Variants in KSR2 observed in about 807,000 individuals in gnomAD.
The protein encoded by KSR2 is kinase suppressor of ras 2.
In KSR2, 25 loss-of-function variants were observed where a neutral mutation model predicts 107.8. That is an observed-to-expected ratio of 0.23 (90% confidence interval 0.17 to 0.32). KSR2 has a LOEUF of 0.32. KSR2 is among the 10% of genes least tolerant of loss of function. The probability of loss-of-function intolerance (pLI) is 1.00; values close to 1 mark genes in which losing one functional copy is unlikely to be tolerated. For missense variants in KSR2, 887 were observed against 1,268.9 expected, an observed-to-expected ratio of 0.70 and a Z score of 4.57; for synonymous variants, 480 against 507.0, an observed-to-expected ratio of 0.95 and a Z score of 0.71.
intron 16 of KSR2, among the ~76,000 whole-genome samples, chr12:117,480,259 G>A (rs1377460182): frequency 6.6e-6 from 1 of 152,120 alleles, no homozygotes. Context: ...ACCTCTTCCT[G>A]ACTCATGGGG....
chr12:117,765,555 C>G (rs1889194740), intron 3 of KSR2, among the ~76,000 whole-genome samples: 1 of 152,086 alleles, frequency 6.6e-6, no homozygotes, highest in Non-Finnish European at 1.5e-5. Context: ...CCTTTACGTA[C>G]CAGGCACTGT....
chr12:117,746,839 C>T (rs1888428522), intron 4 of KSR2, among the ~76,000 whole-genome samples: 1 of 151,714 alleles, frequency 6.6e-6, no homozygotes, highest in African/African-American at 2.4e-5. Context: ...AAAAGCTCAT[C>T]GTCACTGATC....
chr12:117,672,326 T>C (rs978944196), intron 4 of KSR2, among the ~76,000 whole-genome samples: 1 of 152,232 alleles, frequency 6.6e-6, no homozygotes, highest in Non-Finnish European at 1.5e-5. Flanking sequence ...GTTAAACTCA[T>C]AGGCTTTGGG....
intron 4 of KSR2, among the ~76,000 whole-genome samples, chr12:117,674,745 C>T (rs1463637834): frequency 4.6e-5 from 7 of 152,176 alleles, no homozygotes. Context: ...GTATTCTCTA[C>T]CCAGCAGTCA....
chr12:117,766,754 G>A (rs1326205114), intron 3 of KSR2, among the ~76,000 whole-genome samples: 1 of 151,978 alleles, frequency 6.6e-6, no homozygotes, highest in African/African-American at 2.4e-5. Context: ...AGGAAAGGTG[G>A]CAGTGAGGTG....
chr12:117,566,295 T>A (rs1363578130), intron 7 of KSR2, among the ~76,000 whole-genome samples: 1 of 152,156 alleles, frequency 6.6e-6, no homozygotes, highest in African/African-American at 2.4e-5. Context: ...AATTTTGGTA[T>A]TTTTTGTAGA....
intron 5 of KSR2, among the ~76,000 whole-genome samples, chr12:117,633,572 C>T (rs1684085920): frequency 6.6e-6 from 1 of 152,192 alleles, no homozygotes; most frequent in African/African-American, 2.4e-5. Context: ...GGATAAATTC[C>T]ATGCCTCTCT....
chr12:117,688,917 CTCCTGCCTCCTTTTTCCT>C (rs1247593008), intron 4 of KSR2, among the ~76,000 whole-genome samples: 1 of 152,158 alleles, frequency 6.6e-6, no homozygotes, highest in Non-Finnish European at 1.5e-5. Context: ...CCTTCCTTCT[CTCCTGCCTCCTTTTTCCT>C]TCCTTGCAAA....
intron 2 of KSR2, among the ~76,000 whole-genome samples, chr12:117,857,312 G>A (rs1181821313): frequency 2.0e-5 from 3 of 152,016 alleles, no homozygotes; most frequent in South Asian, 2.1e-4. Context: ...CTCCCACCTC[G>A]GTTTCCAAAA....
chr12:117,848,987 CA>C (rs1384077349), intron 3 of KSR2, among the ~76,000 whole-genome samples: 4 of 152,144 alleles, frequency 2.6e-5, no homozygotes, highest in Admixed American at 2.6e-4. Flanking sequence ...GCTTAGGAAA[CA>C]AAGCACAGAA....
intron 17 of KSR2, among the ~76,000 whole-genome samples, chr12:117,475,793 T>G (rs980599690): frequency 3.3e-5 from 5 of 152,210 alleles, no homozygotes; most frequent in African/African-American, 1.2e-4. Flanking sequence ...AAACAGCATA[T>G]GGTAGGAGCA....
chr12:117,907,847 C>T lies in KSR2; in HGVS notation c.181-47416G>A, dbSNP rs1401370852. Among the ~76,000 whole-genome samples, 32 of 151,816 alleles carry T rather than the reference C, an allele frequency of 2.1e-4. No individual in the cohort carries two copies. Among genetic ancestry groups the T allele is most frequent in the Admixed American group, 2.1e-3 (32 of 15,224 alleles). ...TCATAATCATCTTTTCACTGCCCCT[C>T]TTTGAGAGCTGCCAATTTACTGAAA... On this transcript the variant is annotated intron_variant, in intron 1 of 19. Coordinates refer to ENST00000339824, the MANE Select transcript of KSR2 (RefSeq NM_173598.6). This position sits in a 1 kb window ranked among gnomAD's most constrained non-coding sequence, Gnocchi z 4.3.
chr12:117,588,070 C>T (rs1880115626), intron 5 of KSR2, among the ~76,000 whole-genome samples: 1 of 152,162 alleles, frequency 6.6e-6, no homozygotes, highest in East Asian at 1.9e-4. Flanking sequence ...TATCATGATC[C>T]CACCCACAGC....
At chr12:117,563,327 C>T (rs143050922) in intron 7 of KSR2, among the ~76,000 whole-genome samples, 12 of 152,150 alleles carry the variant, frequency 7.9e-5, no homozygotes, top group Admixed American at 5.9e-4. Flanking sequence ...TGAATGGGAG[C>T]CTGAATCTTT....
At chr12:117,899,692 A>T (rs1347957105) in intron 1 of KSR2, among the ~76,000 whole-genome samples, 1 of 152,186 alleles carries the variant, frequency 6.6e-6, no homozygotes, top group Non-Finnish European at 1.5e-5. Context: ...GTGACAGAAC[A>T]AGTGATTTGC....
intron 3 of KSR2, among the ~76,000 whole-genome samples, chr12:117,807,312 G>T (rs1294428450): frequency 6.6e-6 from 1 of 152,196 alleles, no homozygotes; most frequent in Non-Finnish European, 1.5e-5. Context: ...AAAAACCAGA[G>T]TGAGGGCTTA....
intron 5 of KSR2, among the ~76,000 whole-genome samples, chr12:117,601,471 G>A (rs1880950858): frequency 6.6e-6 from 1 of 151,876 alleles, no homozygotes; most frequent in African/African-American, 2.4e-5. Flanking sequence ...TCAGCACAGG[G>A]GAAAATGGAC....
intron 1 of KSR2, among the ~76,000 whole-genome samples, chr12:117,877,443 G>A (rs1302410416): frequency 6.6e-6 from 1 of 152,126 alleles, no homozygotes; most frequent in African/African-American, 2.4e-5. Flanking sequence ...TTTGTTGATA[G>A]TTTTTATATG....
chr12:117,617,067 C>T (rs1881933106), intron 5 of KSR2, among the ~76,000 whole-genome samples: 1 of 152,234 alleles, frequency 6.6e-6, no homozygotes, highest in East Asian at 1.9e-4. Context: ...GGGTTCAAGG[C>T]ACTCCTTGAA....
Sources: allele counts gnomAD v4.1 joint callset (sites outside exome capture counted in the v4.1 genomes callset), GRCh38; gene constraint gnomAD v4.1.1; non-coding constraint Gnocchi (gnomAD v3.1); transcripts MANE v1.5; gene names NCBI Gene and HGNC (gene_info 2026-07-23, HGNC 2026-07-21).